The following CSMD1 variants were observed in gnomAD, a reference collection of about 807,000 sequenced individuals.
CSMD1 encodes the protein CUB and sushi domain-containing protein 1.
In CSMD1, 213 loss-of-function variants were observed where a neutral mutation model predicts 417.5. The observed-to-expected ratio is 0.51, with a 90% CI of 0.46 to 0.57. The LOEUF (loss-of-function observed/expected upper bound fraction) is 0.57. CSMD1 is among the 20% of genes least tolerant of loss of function. The probability of loss-of-function intolerance (pLI) is 0.00; values close to 1 mark genes in which losing one functional copy is unlikely to be tolerated. For synonymous variants in CSMD1, 2,862 were observed against 1,736.8 expected (o/e 1.65, Z -16.11); for missense variants, 6,923 against 4,529.7 (o/e 1.53, Z -15.17).
At chr8:4,339,572 T>C (rs1163307918) in intron 3 of CSMD1, among the ~76,000 whole-genome samples, 1 of 152,122 alleles carries the variant, frequency 6.6e-6, no homozygotes, top group Non-Finnish European at 1.5e-5. Context: ...TAACTTTCGG[T>C]TGTTTATTTC....
intron 52 of CSMD1, among the ~76,000 whole-genome samples, chr8:3,017,289 A>G (rs1585157246): frequency 6.6e-6 from 1 of 152,166 alleles, no homozygotes; most frequent in Admixed American, 6.5e-5. Flanking sequence ...CCTAAAGGAG[A>G]GTGCTGTTCC....
chr8:4,853,396 G>T (rs1361603005), intron 1 of CSMD1, among the ~76,000 whole-genome samples: 1 of 152,218 alleles, frequency 6.6e-6, no homozygotes, highest in Non-Finnish European at 1.5e-5. Flanking sequence ...CACAGGTACA[G>T]CTCATATTGC....
chr8:3,642,265 T>C (rs1368305899), intron 7 of CSMD1, among the ~76,000 whole-genome samples: 4 of 151,770 alleles, frequency 2.6e-5, no homozygotes, highest in South Asian at 2.1e-4. Context: ...TCTTAAGGAC[T>C]TGACTAATAG....
At chr8:4,152,546 T>C (rs960557538) in intron 3 of CSMD1, among the ~76,000 whole-genome samples, 9 of 148,710 alleles carry the variant, frequency 6.1e-5, no homozygotes, top group African/African-American at 2.0e-4. Context: ...AAAAATTAGC[T>C]AGTCATGGTG....
chr8:4,153,965 A>G (rs1422020091), intron 3 of CSMD1, among the ~76,000 whole-genome samples: 1 of 152,190 alleles, frequency 6.6e-6, no homozygotes, highest in African/African-American at 2.4e-5. Context: ...CATTACTGAC[A>G]GCAAATTACT....
intron 1 of CSMD1, among the ~76,000 whole-genome samples, chr8:4,806,409 C>A (rs910608563): frequency 6.6e-6 from 1 of 152,098 alleles, no homozygotes; most frequent in Non-Finnish European, 1.5e-5. Flanking sequence ...AAGTTCTTTG[C>A]CATAAAAGTC....
At chr8:4,261,226 C>G (rs1179663916) in intron 3 of CSMD1, among the ~76,000 whole-genome samples, 1 of 152,168 alleles carries the variant, frequency 6.6e-6, no homozygotes, top group Non-Finnish European at 1.5e-5. Flanking sequence ...ACCAGCCATT[C>G]CTGAATCTTG....
At chr8:4,724,129 G>T (rs905542465) in intron 1 of CSMD1, among the ~76,000 whole-genome samples, 6 of 152,200 alleles carry the variant, frequency 3.9e-5, no homozygotes, top group African/African-American at 1.4e-4. Flanking sequence ...AAGACAACTA[G>T]ACCTCCTCTT....
chr8:3,453,811 G>C (rs1325496851), intron 12 of CSMD1, among the ~76,000 whole-genome samples: 2 of 152,216 alleles, frequency 1.3e-5, no homozygotes, highest in South Asian at 4.1e-4. Flanking sequence ...GGATAGTTCT[G>C]TAGATGTCTA....
At chr8:3,135,107 G>A (rs934303533) in intron 41 of CSMD1, among the ~76,000 whole-genome samples, 1 of 151,976 alleles carries the variant, frequency 6.6e-6, no homozygotes. Context: ...GTAGAGACAG[G>A]GTCTCACCAT....
At chr8:4,559,815 C>T (rs1216850042) in intron 2 of CSMD1, among the ~76,000 whole-genome samples, 4 of 152,222 alleles carry the variant, frequency 2.6e-5, no homozygotes, top group African/African-American at 9.6e-5. Context: ...ATCTCATGTT[C>T]ACTTCGTGAA....
Position 4,405,408 on chromosome 8 carries a change from G to C in CSMD1, c.415+14545C>G, listed in dbSNP as rs79448843. On this transcript the variant is annotated intron_variant, in intron 3 of 69. Transcript: ENST00000635120. ...ACTTGTTACCTGCGTGAACATAAGCGAGTTTCTTAACCTCAGTTGTCAATT... is the reference window on the plus strand; with the variant it reads ...ACTTGTTACCTGCGTGAACATAAGCCAGTTTCTTAACCTCAGTTGTCAATT... Among the ~76,000 whole-genome samples the C allele has an allele frequency of 1.7e-3, 258 of 152,002 alleles. 4 individuals carry two copies. In the East Asian group the frequency reaches 0.029, roughly 17 times the overall value.
chr8:4,193,944 G>T (rs1341000946), intron 3 of CSMD1, among the ~76,000 whole-genome samples: 1 of 151,820 alleles, frequency 6.6e-6, no homozygotes, highest in East Asian at 1.9e-4. Flanking sequence ...GGGAGGTGGG[G>T]CTGCAGGTAA....
chr8:4,187,489 C>CA (rs1176038497), intron 3 of CSMD1, among the ~76,000 whole-genome samples: 1 of 151,816 alleles, frequency 6.6e-6, no homozygotes, highest in Non-Finnish European at 1.5e-5. Flanking sequence ...ACTAAAAATA[C>CA]AAAAAATCAG....
intron 1 of CSMD1, among the ~76,000 whole-genome samples, chr8:4,667,574 T>C (rs998472870): frequency 1.3e-5 from 2 of 152,206 alleles, no homozygotes; most frequent in Non-Finnish European, 2.9e-5. Context: ...CAGATTTTTA[T>C]ATATTTTCTT....
At chr8:3,116,366 A>AG (rs1563059720) in intron 42 of CSMD1, among the ~76,000 whole-genome samples, 24 of 139,536 alleles carry the variant, frequency 1.7e-4, no homozygotes, top group Admixed American at 6.7e-5. Flanking sequence ...GATCAGAGAG[A>AG]TATGTGGCAT....
At chr8:3,939,126 A>T (rs185700890) in intron 5 of CSMD1, among the ~76,000 whole-genome samples, 18 of 152,242 alleles carry the variant, frequency 1.2e-4, no homozygotes, top group Admixed American at 1.2e-3. Context: ...ATTACAGAAA[A>T]ACTGTTCTTG....
chr8:3,529,015 A>G (rs1797869790), intron 10 of CSMD1, among the ~76,000 whole-genome samples: 1 of 152,230 alleles, frequency 6.6e-6, no homozygotes, highest in Non-Finnish European at 1.5e-5. Context: ...CCAAAATATT[A>G]TCAATCTCAA....
chr8:4,374,245 C>G (rs66537471), intron 3 of CSMD1, among the ~76,000 whole-genome samples: 4,356 of 152,210 alleles, frequency 0.029, 86 homozygotes, highest in Non-Finnish European at 0.038. Context: ...ATCACCATCA[C>G]TAACGTGTGA....
Sources: gnomAD v4.1 joint callset for allele counts (sites outside exome capture counted in the v4.1 genomes callset) on GRCh38, gnomAD v4.1.1 for gene constraint, MANE v1.5 for transcripts, NCBI Gene and HGNC (gene_info 2026-07-23, HGNC 2026-07-21) for gene names.